Variants in SHANK2 observed in about 807,000 individuals in gnomAD.
SHANK2 encodes the protein SH3 and multiple ankyrin repeat domains 2.
SHANK2 carries 43 observed loss-of-function variants against 133.7 expected under a neutral mutation model. The observed-to-expected ratio is 0.32, with a 90% CI of 0.25 to 0.41. The LOEUF is 0.41. Ranked by LOEUF, SHANK2 falls within the 10% of genes least tolerant of loss-of-function variation. The probability of loss-of-function intolerance (pLI) is 1.00; values close to 1 mark genes in which losing one functional copy is unlikely to be tolerated. For synonymous variants in SHANK2, 1,017 were observed against 952.8 expected (o/e 1.07, Z -1.24); for missense variants, 1,994 against 2,235.8 (o/e 0.89, Z 2.18).
At chr11:71,097,974 GTGCCTGTGTGTGCATGTGCA>G (rs561707468) in intron 6 of SHANK2, among the ~76,000 whole-genome samples, 95 of 149,942 alleles carry the variant, frequency 6.3e-4, no homozygotes, top group Non-Finnish European at 1.2e-3. Flanking sequence ...GTGTGTGCAT[GTGCCTGTGTGTGCATGTGCA>G]TGCCTGTGTG....
At chr11:71,209,150 G>A (rs985002753) in intron 2 of SHANK2, among the ~76,000 whole-genome samples, 3 of 152,144 alleles carry the variant, frequency 2.0e-5, no homozygotes, top group Admixed American at 2.0e-4. Flanking sequence ...GAAGGAGCTG[G>A]TCAGGAACCA....
chr11:70,731,948 C>A (rs1238171848), intron 14 of SHANK2, among the ~76,000 whole-genome samples: 2 of 152,172 alleles, frequency 1.3e-5, no homozygotes, highest in African/African-American at 4.8e-5. Flanking sequence ...TCCCCTTTCT[C>A]ACTTCCTGGA....
rs1342933159 is a variant in SHANK2 at position 70,739,179 on chromosome 11, C to G, written c.1778-40416G>C. Among the ~76,000 whole-genome samples the G allele has an allele frequency of 6.6e-6, 1 of 152,230 alleles. No homozygotes were observed. The highest frequency in any genetic ancestry group is 1.5e-5 in the Non-Finnish European group (1 of 68,040). ...CATCAGGAGCCTGACCCACCAGCAA[C>G]CAACTGAACCTCAGCCAGAGGGCCT... On this transcript the variant is annotated intron_variant, in intron 14 of 25. Transcript: ENST00000601538. This position sits in a 1 kb window ranked among gnomAD's most constrained non-coding sequence, Gnocchi z 4.3.
rs147415872 is a variant in SHANK2, at chr11:70,766,786, TTA to T, written c.1777+31655_1777+31656del. ...ACAACTCCATTTTGTCACTCTAATT[TTA>T]GTGGCAATGTTTTTGTTCCAATCAG... On this transcript the variant is annotated intron_variant, in intron 14 of 25. Coordinates refer to ENST00000601538, the MANE Select transcript of SHANK2 (RefSeq NM_012309.5). Among the ~76,000 whole-genome samples, 92 of 152,332 alleles carry T rather than the reference TTA, an allele frequency of 6.0e-4. 1 individual carries two copies. Among genetic ancestry groups the T allele is most frequent in the Non-Finnish European group, 1.2e-3 (84 of 68,022 alleles).
At chr11:70,920,795 T>C (rs1555080580) in intron 10 of SHANK2, among the ~76,000 whole-genome samples, 1 of 152,202 alleles carries the variant, frequency 6.6e-6, no homozygotes, top group Non-Finnish European at 1.5e-5. Flanking sequence ...AGAAGAGTGA[T>C]GTTGCTCATT....
chr11:71,058,316 G>A (rs1055794786), intron 9 of SHANK2, among the ~76,000 whole-genome samples: 11 of 152,314 alleles, frequency 7.2e-5, no homozygotes, highest in African/African-American at 2.2e-4. Context: ...AGTGAGGACT[G>A]CAGCAGCAAA....
chr11:70,788,900 C>T (rs1377936231), intron 14 of SHANK2, among the ~76,000 whole-genome samples: 1 of 152,196 alleles, frequency 6.6e-6, no homozygotes, highest in Non-Finnish European at 1.5e-5. Flanking sequence ...CACATGCCAG[C>T]CTCACCACCA....
chr11:70,796,984 G>C (rs189905369), intron 14 of SHANK2, among the ~76,000 whole-genome samples: 1 of 152,336 alleles, frequency 6.6e-6, no homozygotes, highest in East Asian at 1.9e-4. Flanking sequence ...CCGGTTCTGA[G>C]AAGCTCTCTG....
chr11:70,698,323 C>T (rs1283697919), intron 15 of SHANK2: 2 of 292,708 alleles, frequency 6.8e-6, no homozygotes, highest in Non-Finnish European at 1.3e-5. Flanking sequence ...GAAACCCAGA[C>T]CTGAGGCATC....
chr11:70,506,836 C>T (rs1216078882), intron 17 of SHANK2, among the ~76,000 whole-genome samples: 2 of 152,136 alleles, frequency 1.3e-5, no homozygotes, highest in Non-Finnish European at 2.9e-5. Context: ...AGCGGGGTGT[C>T]CTCAGTAAAC....
intron 17 of SHANK2, among the ~76,000 whole-genome samples, chr11:70,587,739 CT>C (rs1268149581): frequency 7.6e-6 from 1 of 131,188 alleles, no homozygotes; most frequent in Non-Finnish European, 1.6e-5. Flanking sequence ...GGGTCTTGCT[CT>C]GTCACCCAGG....
chr11:71,231,082 T>G (rs1555122898), intron 1 of SHANK2, among the ~76,000 whole-genome samples: 1 of 152,090 alleles, frequency 6.6e-6, no homozygotes, highest in Admixed American at 6.6e-5. Flanking sequence ...CTCATCCAAA[T>G]TAAAAACTTT....
chr11:70,831,656 G>T (rs1337238063), intron 11 of SHANK2, among the ~76,000 whole-genome samples: 1 of 152,148 alleles, frequency 6.6e-6, no homozygotes, highest in Non-Finnish European at 1.5e-5. Context: ...TTCACTTCTT[G>T]CATAAAAAAA....
chr11:71,143,833 C>T (rs1418121001), intron 3 of SHANK2, among the ~76,000 whole-genome samples: 1 of 152,050 alleles, frequency 6.6e-6, no homozygotes, highest in Middle Eastern at 3.4e-3. Context: ...TTGTAGGAAT[C>T]GAACACTGCA....
chr11:70,861,088 C>T (rs1271845452), intron 11 of SHANK2, among the ~76,000 whole-genome samples: 1 of 152,224 alleles, frequency 6.6e-6, no homozygotes, highest in African/African-American at 2.4e-5. Flanking sequence ...CCTCTGCAGG[C>T]ACTGTCAGTC....
At chr11:70,561,394 C>T (rs989866563) in intron 17 of SHANK2, among the ~76,000 whole-genome samples, 13 of 152,138 alleles carry the variant, frequency 8.5e-5, no homozygotes, top group Non-Finnish European at 1.6e-4. Context: ...CTCAAGTGAT[C>T]GCCCAGCTTG....
At chr11:70,810,922 G>A (rs1472623720) in intron 12 of SHANK2, among the ~76,000 whole-genome samples, 8 of 152,172 alleles carry the variant, frequency 5.3e-5, no homozygotes, top group African/African-American at 1.7e-4. Context: ...CCGGTGATGC[G>A]ACATGGGCGA....
At chr11:70,936,539 A>G (rs1437676378) in intron 10 of SHANK2, among the ~76,000 whole-genome samples, 1 of 152,174 alleles carries the variant, frequency 6.6e-6, no homozygotes, top group African/African-American at 2.4e-5. Flanking sequence ...AGAATTATAT[A>G]AAAAAGTAAA....
At chr11:71,089,922 A>G (rs1354389308) in intron 8 of SHANK2, among the ~76,000 whole-genome samples, 4 of 152,206 alleles carry the variant, frequency 2.6e-5, no homozygotes, top group Admixed American at 1.3e-4. Flanking sequence ...GGGAACAAGG[A>G]CAGAAACACT....
Sources: allele counts gnomAD v4.1 joint callset (sites outside exome capture counted in the v4.1 genomes callset), GRCh38; gene constraint gnomAD v4.1.1; non-coding constraint Gnocchi (gnomAD v3.1); transcripts MANE v1.5; gene names NCBI Gene and HGNC (gene_info 2026-07-23, HGNC 2026-07-21).